Variants in CSMD2 observed in about 807,000 individuals in gnomAD.
CSMD2 encodes the protein CUB and Sushi multiple domains 2.
In CSMD2, 130 loss-of-function variants were observed where a neutral mutation model predicts 398.5. The observed-to-expected ratio is 0.33, with a 90% CI of 0.28 to 0.38. CSMD2 has a LOEUF of 0.38. Ranked by LOEUF, CSMD2 falls within the 10% of genes least tolerant of loss-of-function variation. The pLI is 1.00. For missense variants in CSMD2, 3,829 were observed against 4,764.9 expected (o/e 0.80, Z 5.78); for synonymous variants, 1,828 against 1,908.5 (o/e 0.96, Z 1.10).
intron 12 of CSMD2, among the ~76,000 whole-genome samples, chr1:33,775,321 A>C (rs1356933209): frequency 1.3e-5 from 2 of 152,204 alleles, no homozygotes; most frequent in Non-Finnish European, 2.9e-5. Flanking sequence ...TCTTTGATTC[A>C]AATGTTGATG....
rs573949024 is a variant in CSMD2, at chr1:33,530,112, T to C, written c.10172-2854A>G. 2.8e-4 allele frequency among the ~76,000 whole-genome samples: 42 copies of C among 152,274 alleles called. 1 individual carries two copies. Among genetic ancestry groups the C allele is most frequent in the Admixed American group, 1.5e-3 (23 of 15,294 alleles). The stretch of plus-strand genomic sequence containing the variant: ...ATGAGATTACATCAAACTGAAAAGC[T>C]TCTGCACAGCAAAGGAAACAATCAA... On this transcript the variant is annotated intron_variant, in intron 64 of 70. Transcript: ENST00000373381.
chr1:33,549,313 C>T (rs1657202488), intron 56 of CSMD2, among the ~76,000 whole-genome samples: 1 of 152,102 alleles, frequency 6.6e-6, no homozygotes, highest in Non-Finnish European at 1.5e-5. Context: ...CAAGGTGGGC[C>T]CTCCGAGGAA....
chr1:33,541,445 T>C, intron 58 of CSMD2, 136 bp from the exon 59 acceptor site: 1 of 693,108 alleles, frequency 1.4e-6, no homozygotes, highest in African/African-American at 1.8e-5. Context: ...CCTCACAGGA[T>C]CCCAGTTGGA....
chr1:33,602,468 T>C lies in CSMD2; in HGVS notation c.6611A>G (p.Gln2204Arg). 1 of 1,613,756 alleles carries C rather than the reference T, an allele frequency of 6.2e-7. No homozygotes were observed. The highest frequency in any genetic ancestry group is 1.7e-4 in the Middle Eastern group (1 of 6,040). The change falls in exon 43 of 71, where the codon CAG (glutamine) becomes CGG (arginine). Residue 2204 changes from glutamine to arginine, a missense_variant. Around this residue, in one of 5 missense-constraint regions of CSMD2, gnomAD observed 723 missense variants for 758.6 expected, o/e 0.95. Transcript: ENST00000373381. ...PGFPSPYSSS[Q>R]DCVWLITVPI... ...CACGGTGATCAGCCAGACACAGTCC[T>C]GGGAGCTGGAGTACGGGCTAGGGAA...
intron 67 of CSMD2, among the ~76,000 whole-genome samples, chr1:33,522,487 C>T (rs190543075): frequency 6.6e-6 from 1 of 152,160 alleles, no homozygotes; most frequent in African/African-American, 2.4e-5. Flanking sequence ...CTACAGATAC[C>T]CTTGGGCCTA....
rs561566800 is a variant in CSMD2, at chr1:33,533,133, T to C, written c.10088A>G (p.Glu3363Gly). ...MGYTLIYSCQ[E>G]GFSLKGGSEH... ...GGAGCCACCCTTGAGGGAGAAGCCC[T>C]CCTGGCAGGAGTAGATGAGCGTGTA... The change falls in exon 64 of 71, where the codon GAG (glutamate) becomes GGG (glycine). Residue 3363 changes from glutamate (E) to glycine (G), a missense_variant. Glu to Gly is a moderately conservative substitution (Grantham distance 98). Around this residue, in one of 5 missense-constraint regions of CSMD2, gnomAD observed 917 missense variants for 1,199.5 expected, o/e 0.76. Transcript: ENST00000373381. This position sits in a 1 kb window ranked among gnomAD's most constrained non-coding sequence, Gnocchi z 4.2. 2 of 1,614,002 alleles carry C rather than the reference T, an allele frequency of 1.2e-6. No homozygotes were observed. The highest frequency in any genetic ancestry group is 1.7e-6 in the Non-Finnish European group (2 of 1,180,010).
intron 2 of CSMD2, among the ~76,000 whole-genome samples, chr1:34,073,563 C>G (rs1655975546): frequency 6.6e-6 from 1 of 152,174 alleles, no homozygotes; most frequent in Non-Finnish European, 1.5e-5. Flanking sequence ...TTTTCTCACT[C>G]TATACACTGC....
chr1:33,922,316 GA>G (rs1364618206), intron 4 of CSMD2, among the ~76,000 whole-genome samples: 1 of 152,154 alleles, frequency 6.6e-6, no homozygotes, highest in East Asian at 1.9e-4. Context: ...GGTGGGAAGG[GA>G]GGGGCACTCA....
chr1:33,905,407 A>G (rs1643028360), intron 5 of CSMD2, among the ~76,000 whole-genome samples: 1 of 152,224 alleles, frequency 6.6e-6, no homozygotes, highest in Admixed American at 6.5e-5. Context: ...ATAGTTCAAG[A>G]AGGACTGGTG....
chr1:33,749,622 A>G (rs1173954860), intron 13 of CSMD2, among the ~76,000 whole-genome samples: 1 of 152,246 alleles, frequency 6.6e-6, no homozygotes, highest in Admixed American at 6.5e-5. Context: ...GAAGAGATCA[A>G]TAAAAATTTC....
At chr1:33,973,862 T>C (rs746242422) in intron 3 of CSMD2, among the ~76,000 whole-genome samples, 11 of 152,110 alleles carry the variant, frequency 7.2e-5, no homozygotes, top group Non-Finnish European at 1.2e-4. Flanking sequence ...TCAGTCTTTA[T>C]AGGAAAGACG....
intron 57 of CSMD2, among the ~76,000 whole-genome samples, chr1:33,544,753 A>T (rs1656708316): frequency 6.6e-6 from 1 of 151,908 alleles, no homozygotes; most frequent in African/African-American, 2.4e-5. Flanking sequence ...TTGATAGCAG[A>T]GTAGGGAGAC....
intron 5 of CSMD2, among the ~76,000 whole-genome samples, chr1:33,893,529 G>A (rs1642189303): frequency 6.6e-6 from 1 of 152,164 alleles, no homozygotes; most frequent in Admixed American, 6.5e-5. Flanking sequence ...AACTTCTCCT[G>A]GCAGTTCAAG....
chr1:34,041,895 C>T (rs575875750), intron 2 of CSMD2, among the ~76,000 whole-genome samples: 2 of 152,320 alleles, frequency 1.3e-5, no homozygotes, highest in East Asian at 1.9e-4. Context: ...AAGGTATGAG[C>T]GTGCCACCTC....
chr1:34,042,014 A>G (rs1416495813), intron 2 of CSMD2, among the ~76,000 whole-genome samples: 1 of 152,248 alleles, frequency 6.6e-6, no homozygotes, highest in Non-Finnish European at 1.5e-5. Flanking sequence ...TCTTGGGCCA[A>G]GCTCAGAGAC....
intron 5 of CSMD2, among the ~76,000 whole-genome samples, chr1:33,895,295 G>A (rs533690313): frequency 1.3e-5 from 2 of 152,262 alleles, no homozygotes; most frequent in East Asian, 3.9e-4. Context: ...AGCCCTCTAG[G>A]CAAACAGCTT....
intron 3 of CSMD2, among the ~76,000 whole-genome samples, chr1:33,974,778 A>G (rs1288672696): frequency 6.6e-6 from 1 of 152,186 alleles, no homozygotes; most frequent in African/African-American, 2.4e-5. Context: ...CAATTCCTAC[A>G]TTGCACATTA....
At chr1:34,025,288 AGTGG>A (rs1649495634) in intron 3 of CSMD2, among the ~76,000 whole-genome samples, 1 of 152,202 alleles carries the variant, frequency 6.6e-6, no homozygotes, top group South Asian at 2.1e-4. Context: ...AGTGACACTA[AGTGG>A]AGCATGTCTT....
intron 3 of CSMD2, among the ~76,000 whole-genome samples, chr1:33,978,989 T>A (rs867738085): frequency 2.0e-5 from 3 of 152,238 alleles, no homozygotes; most frequent in African/African-American, 4.8e-5. Flanking sequence ...ACATAGTCAA[T>A]AAGAATCAGA....
Sources: allele counts gnomAD v4.1 joint callset (sites outside exome capture counted in the v4.1 genomes callset), GRCh38; gene constraint gnomAD v4.1.1; regional missense constraint gnomAD v4.1.1; non-coding constraint Gnocchi (gnomAD v3.1); transcripts MANE v1.5; gene names NCBI Gene and HGNC (gene_info 2026-07-23, HGNC 2026-07-21).